Variants in RRM2 observed in about 807,000 individuals in gnomAD.
The protein encoded by RRM2 is ribonucleotide reductase regulatory subunit M2.
Under a neutral mutation model 45.9 loss-of-function variants are expected in RRM2, and 6 were observed. The observed-to-expected ratio is 0.13, with a 90% CI of 0.07 to 0.26. RRM2 has a LOEUF of 0.26. RRM2 is among the 10% of genes least tolerant of loss of function. RRM2 has a pLI of 1.00. For synonymous variants in RRM2, 177 were observed against 173.0 expected (o/e 1.02, Z -0.18); for missense variants, 343 against 489.5 (o/e 0.70, Z 2.82).
intron 3 of RRM2, among the ~76,000 whole-genome samples, chr2:10,182,910 G>T (rs1265414831): frequency 3.9e-5 from 6 of 152,182 alleles, no homozygotes; most frequent in Non-Finnish European, 8.8e-5. Flanking sequence ...GGGTGTAATG[G>T]TTCATACCTG....
chr2:10,192,686 G>C (rs2125329651), intron 3 of RRM2: 1 of 154,426 alleles, frequency 6.5e-6, no homozygotes, highest in East Asian at 1.9e-4. Flanking sequence ...AGCAGGGGAA[G>C]ACTGAAAGTA....
At chr2:10,146,542 C>A (rs551059109) in intron 3 of RRM2, among the ~76,000 whole-genome samples, 132 of 152,374 alleles carry the variant, frequency 8.7e-4, no homozygotes, top group African/African-American at 3.0e-3. Flanking sequence ...GGACAGGTTG[C>A]CTTCTGGGGG....
At chr2:10,191,415 G>A (rs1284629387) in intron 3 of RRM2, among the ~76,000 whole-genome samples, 7 of 152,232 alleles carry the variant, frequency 4.6e-5, no homozygotes, top group Admixed American at 3.3e-4. Context: ...ATCAGTGTCA[G>A]TGAGGGTAGG....
chr2:10,182,544 T>C (rs1432822136), intron 3 of RRM2, among the ~76,000 whole-genome samples: 1 of 152,142 alleles, frequency 6.6e-6, no homozygotes, highest in African/African-American at 2.4e-5. Context: ...TGGACGCTAG[T>C]CCCAGCTACT....
intron 3 of RRM2, among the ~76,000 whole-genome samples, chr2:10,189,396 G>C (rs1664237963): frequency 6.6e-6 from 1 of 152,238 alleles, no homozygotes; most frequent in Non-Finnish European, 1.5e-5. Context: ...TTTAGAAACT[G>C]GCAGCCAAAG....
intron 3 of RRM2, among the ~76,000 whole-genome samples, chr2:10,177,998 T>C (rs1663966797): frequency 6.6e-6 from 1 of 151,066 alleles, no homozygotes; most frequent in African/African-American, 2.4e-5. Context: ...CTCGGCTCAC[T>C]GCAAGCTCCG....
chr2:10,148,749 G>A (rs1663244534), intron 3 of RRM2, among the ~76,000 whole-genome samples: 2 of 151,992 alleles, frequency 1.3e-5, no homozygotes, highest in African/African-American at 2.4e-5. Flanking sequence ...CTTTCAGTTT[G>A]TAGATTTATC....
intron 3 of RRM2, among the ~76,000 whole-genome samples, chr2:10,201,662 C>T (rs865999972): frequency 2.0e-5 from 3 of 152,230 alleles, no homozygotes; most frequent in Middle Eastern, 3.4e-3. Flanking sequence ...TTAGGGTGGC[C>T]GCAGTTAAAG....
chr2:10,142,044 A>C, intron 2 of RRM2: 5 of 1,592,270 alleles, frequency 3.1e-6, no homozygotes, highest in Non-Finnish European at 3.4e-6. Context: ...GGGGAGCCAG[A>C]GGGAGCCAGA....
intron 3 of RRM2, among the ~76,000 whole-genome samples, chr2:10,152,068 C>T (rs947366232): frequency 4.6e-5 from 7 of 152,086 alleles, no homozygotes; most frequent in African/African-American, 1.7e-4. Context: ...CCTGCCTCAG[C>T]CTCCCGAGTA....
chr2:10,164,764 C>T (rs976206814), intron 3 of RRM2, among the ~76,000 whole-genome samples: 6 of 152,140 alleles, frequency 3.9e-5, no homozygotes, highest in Admixed American at 2.0e-4. Flanking sequence ...GAGGTGCCCC[C>T]GTCACTTACA....
intron 3 of RRM2, among the ~76,000 whole-genome samples, chr2:10,191,389 C>G (rs1664303787): frequency 6.6e-6 from 1 of 152,178 alleles, no homozygotes; most frequent in Admixed American, 6.5e-5. Context: ...TGTGAGAGGT[C>G]TTAGTGCCAC....
chr2:10,157,322 A>G (rs533183028), intron 3 of RRM2, among the ~76,000 whole-genome samples: 273 of 152,316 alleles, frequency 1.8e-3, no homozygotes, highest in Non-Finnish European at 3.3e-3. Context: ...CAGCCACTGC[A>G]ACTGGCCCTA....
rs72542793 is a variant in RRM2, at chr2:10,123,714, A to C, written c.319-22A>C. ...CTTTACTCTCTTCCTTTTATGCTAA[A>C]ATTGTGACTTCCGAACCTCAGGTGG... On this transcript the variant is annotated intron_variant, in intron 3 of 9. Transcript: ENST00000304567. The C allele has an allele frequency of 2.6e-4, 392 of 1,499,700 alleles. No homozygotes were observed. In the African/African-American group the frequency reaches 5.0e-3, roughly 19 times the overall value. The allele number at this position is 1,499,700 out of a possible 1,614,324, so 92.9% of individuals were successfully genotyped here. A position where few individuals can be genotyped will look rare whatever the true frequency, so the allele number is the denominator to read the frequency against.
At chr2:10,148,272 T>C (rs574306895) in intron 3 of RRM2, among the ~76,000 whole-genome samples, 3 of 102,842 alleles carry the variant, frequency 2.9e-5, no homozygotes, top group East Asian at 4.1e-4. Context: ...TATATGTCCT[T>C]AATCCTCACT....
At chr2:10,167,213 C>A (rs556342111) in intron 3 of RRM2, among the ~76,000 whole-genome samples, 1 of 152,240 alleles carries the variant, frequency 6.6e-6, no homozygotes, top group African/African-American at 2.4e-5. Flanking sequence ...TAGCACCTGC[C>A]CCATAAGAAG....
intron 3 of RRM2, among the ~76,000 whole-genome samples, chr2:10,148,980 C>T (rs894392727): frequency 6.6e-6 from 1 of 152,148 alleles, no homozygotes; most frequent in Non-Finnish European, 1.5e-5. Flanking sequence ...ATATTTGATG[C>T]TCCTCTGCGC....
chr2:10,137,159 G>GC (rs1194132568), upstream of RRM2, among the ~76,000 whole-genome samples: 1 of 152,198 alleles, frequency 6.6e-6, no homozygotes, highest in African/African-American at 2.4e-5. Context: ...AGAGATGATT[G>GC]CCCCCATTTT....
intron 3 of RRM2, among the ~76,000 whole-genome samples, chr2:10,189,630 C>T (rs1392588739): frequency 6.6e-6 from 1 of 152,242 alleles, no homozygotes; most frequent in Non-Finnish European, 1.5e-5. Context: ...CATCCTCCAT[C>T]CCACAGTGGG....
Sources: allele counts gnomAD v4.1 joint callset (sites outside exome capture counted in the v4.1 genomes callset), GRCh38; gene constraint gnomAD v4.1.1; transcripts MANE v1.5; gene names NCBI Gene and HGNC (gene_info 2026-07-23, HGNC 2026-07-21).